Variants in CBY1 observed in about 807,000 individuals in gnomAD.
The protein encoded by CBY1 is protein chibby homolog 1.
CBY1 carries 10 observed loss-of-function variants against 15.6 expected under a neutral mutation model. The ratio of observed to expected loss-of-function variants is 0.64; its 90% CI spans 0.40 to 1.09. The LOEUF is 1.09. Among genes scored for constraint, CBY1 ranks in the 50% least tolerant of loss-of-function variants. The pLI is 0.01. For synonymous variants in CBY1, 61 were observed against 63.5 expected, an observed-to-expected ratio of 0.96 and a Z score of 0.19; for missense variants, 150 against 160.5, an observed-to-expected ratio of 0.93 and a Z score of 0.35.
chr22:38,657,232 G>T (rs914464177), intron 1 of CBY1: 14 of 435,278 alleles, frequency 3.2e-5, no homozygotes, highest in Non-Finnish European at 4.3e-5. Context: ...GACTGGGAAG[G>T]CTCTACTTAC....
chr22:38,661,387 A>T (rs983058960), intron 1 of CBY1, among the ~76,000 whole-genome samples: 1 of 151,970 alleles, frequency 6.6e-6, no homozygotes, highest in Admixed American at 6.6e-5. Flanking sequence ...TGTTGGCCAG[A>T]CTGGTCTCGA....
At chr22:38,663,565 G>A (rs537910455) in intron 1 of CBY1, among the ~76,000 whole-genome samples, 68 of 150,928 alleles carry the variant, frequency 4.5e-4, no homozygotes, top group Non-Finnish European at 7.1e-4. Context: ...GCGTGGTGGC[G>A]CATGCCTGTA....
chr22:38,667,997 C>CA lies in CBY1; in HGVS notation c.-38-20_-38-19insA. 1 of 1,460,334 alleles carries CA rather than the reference C, an allele frequency of 6.8e-7. No individual in the cohort carries two copies. The highest frequency in any genetic ancestry group is 1.1e-5 in the South Asian group (1 of 87,308). The allele number at this position is 1,460,334 out of a possible 1,614,324, so 90.5% of individuals were successfully genotyped here. On this transcript the variant is annotated intron_variant, in intron 1 of 4. Coordinates refer to ENST00000216029, the MANE Select transcript of CBY1 (RefSeq NM_015373.4). ...GTCAGTGATCCAGCTGCTTGTACCC[C>CA]TGACTTTTTCTGACCCTAGGAGAAG...
chr22:38,665,683 C>T, intron 1 of CBY1: 2 of 1,218,606 alleles, frequency 1.6e-6, no homozygotes, highest in Non-Finnish European at 2.0e-6. Context: ...GTACAGTGGC[C>T]AGGTGAGGCT....
intron 2 of CBY1, 75 bp from the exon 3 acceptor site, chr22:38,670,809 T>G: frequency 1.1e-6 from 1 of 911,526 alleles, no homozygotes; most frequent in South Asian, 1.3e-5. Flanking sequence ...GGGGTCATAT[T>G]GTTGGCGGAA....
intron 1 of CBY1, among the ~76,000 whole-genome samples, chr22:38,657,538 G>A (rs567178790): frequency 6.6e-6 from 1 of 152,350 alleles, no homozygotes; most frequent in South Asian, 2.1e-4. Context: ...AGTGCACGCG[G>A]ATGCCCCAGA....
chr22:38,670,633 A>C lies in CBY1; in HGVS notation c.79-251A>C, dbSNP rs969641226. 4.1e-5 allele frequency: 17 copies of C among 411,692 alleles called. No individual in the cohort carries two copies. The Admixed American group carries it at 4.2e-4, about 10-fold the overall frequency. The allele number at this position is 411,692 out of a possible 1,614,324, so 25.5% of individuals were successfully genotyped here. On this transcript the variant is annotated intron_variant, in intron 2 of 4. Transcript: ENST00000216029. ...TTAAGTGTCAAGTAGGTATAAAATAATTCAATTTATAAATTTCAGTATATA... is the reference window on the plus strand; with the variant it reads ...TTAAGTGTCAAGTAGGTATAAAATACTTCAATTTATAAATTTCAGTATATA...
At chr22:38,669,424 C>T (rs189624182) in intron 2 of CBY1, among the ~76,000 whole-genome samples, 2 of 152,228 alleles carry the variant, frequency 1.3e-5, no homozygotes, top group Admixed American at 1.3e-4. Flanking sequence ...TTTCTATGTG[C>T]CAGGCACTCT....
chr22:38,660,384 G>A (rs560510936), intron 1 of CBY1, among the ~76,000 whole-genome samples: 96 of 151,808 alleles, frequency 6.3e-4, no homozygotes, highest in African/African-American at 2.0e-3. Flanking sequence ...TAGTAGAGAC[G>A]GGGTTTCACT....
At chr22:38,665,927 T>G (rs2092434494) in intron 1 of CBY1, among the ~76,000 whole-genome samples, 1 of 151,398 alleles carries the variant, frequency 6.6e-6, no homozygotes, top group Middle Eastern at 3.4e-3. Flanking sequence ...CCCAGCTATT[T>G]ACAAGGCTGA....
chr22:38,662,353 GA>G (rs999481700), intron 1 of CBY1, among the ~76,000 whole-genome samples: 4 of 151,334 alleles, frequency 2.6e-5, no homozygotes, highest in Admixed American at 6.6e-5. Flanking sequence ...GATATATGGG[GA>G]AAAAAAGAAC....
intron 1 of CBY1, among the ~76,000 whole-genome samples, chr22:38,657,885 T>G (rs956764761): frequency 1.3e-5 from 2 of 152,204 alleles, no homozygotes; most frequent in African/African-American, 4.8e-5. Context: ...GGCTGCTTCT[T>G]AACTGTGTTT....
intron 1 of CBY1, among the ~76,000 whole-genome samples, chr22:38,665,939 G>A (rs1292637905): frequency 6.6e-6 from 1 of 151,312 alleles, no homozygotes; most frequent in Admixed American, 6.6e-5. Flanking sequence ...CAAGGCTGAG[G>A]CACAGAGCAG....
At chr22:38,657,519 T>C (rs1879397239) in intron 1 of CBY1, among the ~76,000 whole-genome samples, 1 of 152,220 alleles carries the variant, frequency 6.6e-6, no homozygotes, top group South Asian at 2.1e-4. Context: ...TGGGACAGCT[T>C]GTATCTCAAG....
chr22:38,657,436 C>T (rs995330960), intron 1 of CBY1, among the ~76,000 whole-genome samples: 3 of 152,218 alleles, frequency 2.0e-5, no homozygotes, highest in South Asian at 4.1e-4. Flanking sequence ...GCCAGGTGCT[C>T]CCCCTTCACT....
chr22:38,665,650 A>C (rs2092433738), intron 1 of CBY1: 1 of 943,198 alleles, frequency 1.1e-6, no homozygotes, highest in African/African-American at 1.7e-5. Flanking sequence ...GCAAACGAGG[A>C]CTCACTGTGC....
At chr22:38,662,483 G>A (rs1037848419) in intron 1 of CBY1, among the ~76,000 whole-genome samples, 4 of 151,906 alleles carry the variant, frequency 2.6e-5, no homozygotes, top group African/African-American at 9.7e-5. Context: ...ATGACCTTGG[G>A]GTAGGCAATT....
chr22:38,660,981 C>T (rs1455794215), intron 1 of CBY1, among the ~76,000 whole-genome samples: 1 of 152,032 alleles, frequency 6.6e-6, no homozygotes, highest in African/African-American at 2.4e-5. Flanking sequence ...AGAAACAGTG[C>T]CAGGGCCTTA....
Position 38,670,940 on chromosome 22 carries a change from G to C in CBY1, c.135G>C (p.Met45Ile). 1.9e-6 allele frequency: 3 copies of C among 1,614,210 alleles called. No homozygotes were observed. Among genetic ancestry groups the C allele is most frequent in the Non-Finnish European group, 2.5e-6 (3 of 1,180,042 alleles). ...GCTTGGAATACGGATCCCCGACTAT[G>C]AACCTGGCAGGGCAAAGCCTGAAGT... The part of the protein sequence containing the change: ...ELGLEYGSPT[M>I]NLAGQSLKFE... Residue 45 changes from methionine to isoleucine, a missense_variant, in exon 3 of 5, where the codon ATG (methionine) becomes ATC (isoleucine). By Grantham distance (10) the Met-to-Ile change is conservative. Coordinates refer to ENST00000216029, the MANE Select transcript of CBY1 (RefSeq NM_015373.4).
Sources: gnomAD v4.1 joint callset for allele counts (sites outside exome capture counted in the v4.1 genomes callset) on GRCh38, gnomAD v4.1.1 for gene constraint, MANE v1.5 for transcripts, NCBI Gene and HGNC (gene_info 2026-07-23, HGNC 2026-07-21) for gene names.